Variants in ATP11A observed in about 807,000 individuals in gnomAD.
The protein encoded by ATP11A is phospholipid-transporting ATPase IH.
In ATP11A, 81 loss-of-function variants were observed where a neutral mutation model predicts 154.4. That is an observed-to-expected ratio of 0.52 (90% CI 0.44 to 0.63). ATP11A has a LOEUF of 0.63. Ranked by LOEUF, ATP11A falls within the 30% of genes least tolerant of loss-of-function variation. The pLI is 0.00. For missense variants in ATP11A, 1,316 were observed against 1,474.3 expected, an observed-to-expected ratio of 0.89 and a Z score of 1.76; for synonymous variants, 623 against 585.9, an observed-to-expected ratio of 1.06 and a Z score of -0.91.
intron 20 of ATP11A, 170 bp downstream of exon 20, chr13:112,856,255 G>A (rs867435936): frequency 6.0e-5 from 40 of 670,326 alleles, no homozygotes; most frequent in South Asian, 4.5e-4. Context: ...TTTGCTTGTC[G>A]GGCCAGCTTC....
intron 1 of ATP11A, among the ~76,000 whole-genome samples, chr13:112,739,827 C>T (rs911928490): frequency 1.3e-5 from 2 of 152,104 alleles, no homozygotes; most frequent in African/African-American, 2.4e-5. Flanking sequence ...TTATGTACAC[C>T]ATGAATGAAC....
intron 11 of ATP11A, among the ~76,000 whole-genome samples, chr13:112,826,458 C>G (rs905762385): frequency 2.0e-5 from 3 of 152,234 alleles, no homozygotes; most frequent in African/African-American, 7.2e-5. Context: ...TTAATCTCCA[C>G]TTGCTGGCAG....
chr13:112,810,421 A>G lies in ATP11A; in HGVS notation c.334-198A>G, dbSNP rs143995751. Among the ~76,000 whole-genome samples, 1,300 of 152,340 alleles carry G rather than the reference A, an allele frequency of 8.5e-3. 23 individuals are homozygous for G. Among genetic ancestry groups the G allele is most frequent in the African/African-American group, 0.029 (1,195 of 41,574 alleles). ...TTCTACAACTGCAGACATTTAAAGC[A>G]GCTCGCGTTGCCATGGAACATGCCG... On this transcript the variant is annotated intron_variant, in intron 4 of 29. Coordinates refer to ENST00000375645, the MANE Select transcript of ATP11A (RefSeq NM_015205.3).
At chr13:112,691,231 G>A (rs1885129052) in intron 1 of ATP11A, among the ~76,000 whole-genome samples, 1 of 152,106 alleles carries the variant, frequency 6.6e-6, no homozygotes, top group South Asian at 2.1e-4. Flanking sequence ...TTTGGAGGCC[G>A]AGGCGGGCGG....
At chr13:112,738,458 C>CAT (rs1891210727) in intron 1 of ATP11A, among the ~76,000 whole-genome samples, 1 of 152,186 alleles carries the variant, frequency 6.6e-6, no homozygotes, top group African/African-American at 2.4e-5. Context: ...GAGTATTGAA[C>CAT]GAACCTGAGA....
intron 1 of ATP11A, among the ~76,000 whole-genome samples, chr13:112,723,593 A>G (rs1487849252): frequency 2.0e-5 from 3 of 151,234 alleles, no homozygotes; most frequent in Admixed American, 6.6e-5. Flanking sequence ...TGTTTGTTTT[A>G]TGATCTCTGT....
chr13:112,879,660 G>A (rs990101575), intron 29 of ATP11A, among the ~76,000 whole-genome samples: 3 of 152,230 alleles, frequency 2.0e-5, no homozygotes, highest in East Asian at 3.8e-4. Context: ...CAGGGCCGGC[G>A]TCCACACTTG....
chr13:112,755,241 GC>G (rs1160372991), intron 1 of ATP11A, among the ~76,000 whole-genome samples: 1 of 152,206 alleles, frequency 6.6e-6, no homozygotes, highest in Non-Finnish European at 1.5e-5. Flanking sequence ...TGGACTGGGG[GC>G]GGGTCTGTGG....
intron 1 of ATP11A, among the ~76,000 whole-genome samples, chr13:112,739,387 T>C (rs1594486995): frequency 6.6e-6 from 1 of 152,370 alleles, no homozygotes; most frequent in East Asian, 1.9e-4. Flanking sequence ...TATTTGCATT[T>C]ATTTACATTA....
At chr13:112,752,228 G>A (rs561452969) in intron 1 of ATP11A, among the ~76,000 whole-genome samples, 82 of 152,336 alleles carry the variant, frequency 5.4e-4, no homozygotes, top group African/African-American at 1.9e-3. Flanking sequence ...CAACAGTGAC[G>A]GCGGCTGTGT....
chr13:112,705,588 G>T (rs1191838794), intron 1 of ATP11A, among the ~76,000 whole-genome samples: 1 of 152,188 alleles, frequency 6.6e-6, no homozygotes, highest in African/African-American at 2.4e-5. Context: ...ATGGAGGACG[G>T]GAAGCCGGCA....
chr13:112,830,925 G>T (rs1278054533), intron 12 of ATP11A, among the ~76,000 whole-genome samples: 5 of 152,044 alleles, frequency 3.3e-5, no homozygotes, highest in Non-Finnish European at 4.4e-5. Flanking sequence ...TGTAGGTTTT[G>T]ACCTCCAAGA....
At chr13:112,830,518 G>A (rs2079057225) in intron 12 of ATP11A, among the ~76,000 whole-genome samples, 1 of 152,232 alleles carries the variant, frequency 6.6e-6, no homozygotes, top group African/African-American at 2.4e-5. Context: ...GGAGGTTGCA[G>A]TGAGCCGAGA....
chr13:112,710,862 C>T lies in ATP11A; in HGVS notation c.39+20407C>T, dbSNP rs937496699. Among the ~76,000 whole-genome samples, 10 of 152,350 alleles carry T rather than the reference C, an allele frequency of 6.6e-5. No homozygotes were observed. In the East Asian group the frequency reaches 1.2e-3, roughly 18 times the overall value. ...ATCATCCCTGCAGGGAGAGAAGGTTCGGCTCCCTGGGGCTCTCCCAGCCCC... is the reference window on the plus strand; with the variant it reads ...ATCATCCCTGCAGGGAGAGAAGGTTTGGCTCCCTGGGGCTCTCCCAGCCCC... On this transcript the variant is annotated intron_variant, in intron 1 of 29. Transcript: ENST00000375645.
intron 2 of ATP11A, among the ~76,000 whole-genome samples, chr13:112,786,865 C>T (rs1189511483): frequency 6.6e-6 from 1 of 152,264 alleles, no homozygotes; most frequent in African/African-American, 2.4e-5. Flanking sequence ...ACTTAATTCA[C>T]ACCAAGTGTC....
At chr13:112,801,609 G>A (rs968788839) in intron 2 of ATP11A, among the ~76,000 whole-genome samples, 1 of 152,216 alleles carries the variant, frequency 6.6e-6, no homozygotes, top group Admixed American at 6.5e-5. Context: ...GTTGCAGGAT[G>A]CAAAAATTAA....
At chr13:112,845,939 C>T (rs545726963) in intron 17 of ATP11A, among the ~76,000 whole-genome samples, 7 of 152,180 alleles carry the variant, frequency 4.6e-5, no homozygotes, top group South Asian at 2.1e-4. Context: ...TTGATTCTTC[C>T]GCCTGTTGGC....
chr13:112,780,742 C>T (rs926298613), intron 1 of ATP11A, among the ~76,000 whole-genome samples: 1 of 152,092 alleles, frequency 6.6e-6, no homozygotes, highest in Non-Finnish European at 1.5e-5. Context: ...GTGGCTTTCT[C>T]GATGCAGTTT....
chr13:112,861,493 G>A (rs139895877), intron 24 of ATP11A, among the ~76,000 whole-genome samples: 1,563 of 152,278 alleles, frequency 0.01, 9 homozygotes, highest in Middle Eastern at 0.017. Context: ...CTGCACTTAC[G>A]TACATGTGTG....
Sources: allele counts gnomAD v4.1 joint callset (sites outside exome capture counted in the v4.1 genomes callset), GRCh38; gene constraint gnomAD v4.1.1; transcripts MANE v1.5; gene names NCBI Gene and HGNC (gene_info 2026-07-23, HGNC 2026-07-21).